DNAI7: variants seen among roughly 807,000 people sequenced by gnomAD.
The protein encoded by DNAI7 is dynein axonemal intermediate chain 7.
A neutral mutation model predicts 86.6 loss-of-function variants in DNAI7; 78 were observed. The ratio of observed to expected loss-of-function variants is 0.90; its 90% confidence interval spans 0.75 to 1.09. The LOEUF is 1.09. Among genes scored for constraint, DNAI7 ranks in the 50% least tolerant of loss-of-function variants. DNAI7 has a pLI of 0.00. For missense variants in DNAI7, 753 were observed against 810.2 expected (o/e 0.93, Z 0.86); for synonymous variants, 274 against 273.0 (o/e 1.00, Z -0.04).
chr12:25,174,952 G>A (rs1948792717), intron 2 of DNAI7, among the ~76,000 whole-genome samples: 1 of 151,634 alleles, frequency 6.6e-6, no homozygotes, highest in African/African-American at 2.4e-5. Context: ...GAACTTTGGG[G>A]ACTTGTGGGG....
chr12:25,191,885 A>G (rs1486756977), intron 1 of DNAI7, among the ~76,000 whole-genome samples: 1 of 152,208 alleles, frequency 6.6e-6, no homozygotes, highest in Non-Finnish European at 1.5e-5. Context: ...TCATGTGTTT[A>G]TCAGATTTCT....
At chr12:25,127,294 T>C (rs1018783042) in intron 9 of DNAI7, among the ~76,000 whole-genome samples, 10 of 152,250 alleles carry the variant, frequency 6.6e-5, no homozygotes, top group African/African-American at 2.4e-4. Context: ...TTATATATAA[T>C]AATAATAATA....
chr12:25,168,024 A>G (rs1270903817), intron 2 of DNAI7, among the ~76,000 whole-genome samples: 5 of 152,140 alleles, frequency 3.3e-5, no homozygotes, highest in Non-Finnish European at 7.4e-5. Flanking sequence ...TTGGTCGTAG[A>G]CACTCGACGT....
chr12:25,150,215 C>A (rs1051648953), intron 6 of DNAI7, among the ~76,000 whole-genome samples: 3 of 152,120 alleles, frequency 2.0e-5, no homozygotes, highest in African/African-American at 4.8e-5. Flanking sequence ...TGTCCCAGTG[C>A]CAAAGTATTT....
intron 12 of DNAI7, among the ~76,000 whole-genome samples, chr12:25,117,544 T>C (rs1170478265): frequency 6.6e-6 from 1 of 152,112 alleles, no homozygotes; most frequent in Non-Finnish European, 1.5e-5. Flanking sequence ...TCATCTAGGA[T>C]CCTTAAAATG....
At chr12:25,173,789 C>CAT (rs1479775697) in intron 2 of DNAI7, among the ~76,000 whole-genome samples, 1 of 150,848 alleles carries the variant, frequency 6.6e-6, no homozygotes, top group African/African-American at 2.4e-5. Context: ...ATACACACAT[C>CAT]ATATATATAC....
rs748474123 is a variant in DNAI7, at chr12:25,161,159, T to C, written c.60A>G (p.Arg20=). Residue 20 remains arginine, a synonymous_variant, in exon 3 of 16, where the codon CGA becomes CGG. Transcript: ENST00000395987. The part of the protein sequence containing the change: ...SKKKKVTKAE[R]LKLLQEEEER... ...CCTCCTCCTCTTGTAGCAGCTTCAATCGTTCAGCTTTGGTGACTTTCTTTT... is the reference window on the plus strand; with the variant it reads ...CCTCCTCCTCTTGTAGCAGCTTCAACCGTTCAGCTTTGGTGACTTTCTTTT... 9 of 1,614,000 alleles carry C rather than the reference T, an allele frequency of 5.6e-6. No individual in the cohort carries two copies. Among genetic ancestry groups the C allele is most frequent in the Non-Finnish European group, 6.8e-6 (8 of 1,179,930 alleles).
chr12:25,161,225 G>T (rs772444928), intron 2 of DNAI7, 28 bp from the exon 3 acceptor site: 1 of 1,570,694 alleles, frequency 6.4e-7, no homozygotes, highest in Middle Eastern at 1.7e-4. Context: ...CATAAAAAAG[G>T]CTATTAACAT....
chr12:25,194,805 G>A lies in DNAI7; in HGVS notation c.3+271C>T, dbSNP rs575662869. The A allele has an allele frequency of 3.5e-6, 5 of 1,445,686 alleles. No homozygotes were observed. The African/African-American group carries it at 4.2e-5, about 12-fold the overall frequency. The allele number at this position is 1,445,686 out of a possible 1,614,324, so 89.6% of individuals were successfully genotyped here. ...TTACTAGGTTGGGACCAATTTTCAA[G>A]CTTAGCAACATTCGAGATCAGGATA... On this transcript the variant is annotated intron_variant, in intron 1 of 15. Coordinates refer to ENST00000395987, the MANE Select transcript of DNAI7 (RefSeq NM_018272.5).
chr12:25,194,920 T>C, intron 1 of DNAI7, 156 bp downstream of exon 1: 1 of 1,614,184 alleles, frequency 6.2e-7, no homozygotes, highest in Non-Finnish European at 8.5e-7. Context: ...AAGCCATTGC[T>C]GAGAAGAGGG....
chr12:25,135,455 C>T (rs1943433666), intron 9 of DNAI7, among the ~76,000 whole-genome samples: 1 of 152,054 alleles, frequency 6.6e-6, no homozygotes, highest in South Asian at 2.1e-4. Flanking sequence ...CCACCAAACA[C>T]AAATTTTCCT....
At chr12:25,157,386 G>A (rs1946313617) in intron 4 of DNAI7, among the ~76,000 whole-genome samples, 1 of 151,314 alleles carries the variant, frequency 6.6e-6, no homozygotes, top group Non-Finnish European at 1.5e-5. Flanking sequence ...ATCTGTATAA[G>A]GCCAGATTTT....
intron 4 of DNAI7, among the ~76,000 whole-genome samples, chr12:25,156,597 C>T (rs1432052374): frequency 2.0e-5 from 3 of 151,956 alleles, no homozygotes; most frequent in Non-Finnish European, 2.9e-5. Flanking sequence ...GAAAATTAGC[C>T]GGGCGCGGTG....
At chr12:25,129,495 G>C (rs1193421759) in intron 9 of DNAI7, among the ~76,000 whole-genome samples, 1 of 152,146 alleles carries the variant, frequency 6.6e-6, no homozygotes, top group African/African-American at 2.4e-5. Flanking sequence ...GCACATTAAA[G>C]GTTGTTGAAT....
Position 25,108,663 on chromosome 12 carries a change from A to G in DNAI7, c.2054T>C (p.Met685Thr), listed in dbSNP as rs373170563. The change falls in exon 16 of 16, where the codon ATG (methionine) becomes ACG (threonine). Residue 685 changes from methionine to threonine, a missense_variant. Physicochemically the swap from Met to Thr is moderately conservative, Grantham distance 81. Coordinates refer to ENST00000395987, the MANE Select transcript of DNAI7 (RefSeq NM_018272.5). ...TTCCTCAGAAGCAAAATCCTTCACCATGTGATATAAAGTAGAATGAAACTC... is the reference window on the plus strand; with the variant it reads ...TTCCTCAGAAGCAAAATCCTTCACCGTGTGATATAAAGTAGAATGAAACTC... ...ETEFHSTLYHMVKDFASEEAM... is the reference protein window; with the variant it reads ...ETEFHSTLYHTVKDFASEEAM... The G allele has an allele frequency of 4.0e-5, 64 of 1,613,638 alleles. No individual in the cohort carries two copies. Among genetic ancestry groups the G allele is most frequent in the Admixed American group, 8.3e-5 (5 of 59,960 alleles).
At chr12:25,174,606 T>TATATATGGG (rs1948716116) in intron 2 of DNAI7, among the ~76,000 whole-genome samples, 1 of 123,390 alleles carries the variant, frequency 8.1e-6, no homozygotes, top group South Asian at 2.4e-4. Context: ...ATATATATGA[T>TATATATGGG]ATATATATCA....
intron 2 of DNAI7, among the ~76,000 whole-genome samples, chr12:25,163,353 A>G (rs1398433450): frequency 6.6e-6 from 1 of 152,084 alleles, no homozygotes; most frequent in African/African-American, 2.4e-5. Context: ...TTAACTGATG[A>G]CATTATCTTG....
At chr12:25,120,342 G>GAGAGAGAGAGAGAGAGAGAGAGA in intron 11 of DNAI7, among the ~76,000 whole-genome samples, 494 of 137,698 alleles carry the variant, frequency 3.6e-3, no homozygotes, top group South Asian at 6.5e-3. Context: ...GAGAGAGAGA[G>GAGAGAGAGAGAGAGAGAGAGAGA]GAAGGAAGGG....
At chr12:25,124,032 TTGTGTGTGTG>T (rs57454187) in intron 9 of DNAI7, among the ~76,000 whole-genome samples, 1 of 144,572 alleles carries the variant, frequency 6.9e-6, no homozygotes, top group Non-Finnish European at 1.5e-5. Flanking sequence ...AGTATAAAAA[TTGTGTGTGTG>T]TGTGTGTGTG....
Sources: gnomAD v4.1 joint callset for allele counts (sites outside exome capture counted in the v4.1 genomes callset) on GRCh38, gnomAD v4.1.1 for gene constraint, MANE v1.5 for transcripts, NCBI Gene and HGNC (gene_info 2026-07-23, HGNC 2026-07-21) for gene names.